Variants in SFRP1 observed in about 807,000 individuals in gnomAD.
SFRP1 encodes the protein secreted frizzled-related protein 1.
SFRP1 carries 9 observed loss-of-function variants against 25.9 expected under a neutral mutation model. That is an observed-to-expected ratio of 0.35 (90% CI 0.21 to 0.61). The LOEUF is 0.61. Among genes scored for constraint, SFRP1 ranks in the 20% least tolerant of loss-of-function variants. The pLI is 0.78. For missense variants in SFRP1, 346 were observed against 418.2 expected (o/e 0.83, Z 1.51); for synonymous variants, 178 against 174.0 (o/e 1.02, Z -0.18).
intron 2 of SFRP1, among the ~76,000 whole-genome samples, chr8:41,283,375 C>T (rs2117495932): frequency 6.6e-6 from 1 of 152,134 alleles, no homozygotes; most frequent in Middle Eastern, 3.4e-3. Context: ...GAGCTGGTGG[C>T]CAGATAGGAA....
chr8:41,284,814 AC>A (rs1803678273), intron 2 of SFRP1, among the ~76,000 whole-genome samples: 1 of 152,212 alleles, frequency 6.6e-6, no homozygotes, highest in Non-Finnish European at 1.5e-5. Flanking sequence ...TGGCAGGCTA[AC>A]ATGGCCTGCC....
At chr8:41,277,592 C>A (rs1803587026) in intron 2 of SFRP1, among the ~76,000 whole-genome samples, 1 of 152,172 alleles carries the variant, frequency 6.6e-6, no homozygotes, top group South Asian at 2.1e-4. Context: ...AGTCAGCAGC[C>A]ATGAGATGGG....
Position 41,266,344 on chromosome 8 carries a change from G to GA in SFRP1, c.623-856dup, listed in dbSNP as rs1803435525. 2.0e-5 allele frequency among the ~76,000 whole-genome samples: 3 copies of GA among 152,010 alleles called. 1 individual carries two copies. Among genetic ancestry groups the GA allele is most frequent in the Non-Finnish European group, 4.4e-5 (3 of 67,990 alleles). ...CCAGTTATCATGCACTGCTTTAAGA[G>GA]AAAAAAGGGTCCTATAACCCAATTT... On this transcript the variant is annotated intron_variant, in intron 2 of 2. Transcript: ENST00000220772.
Position 41,308,596 on chromosome 8 carries a change from G to A in SFRP1, c.544+20C>T. ...GGGATGGAGGGGGCGGCTCGCGCAC[G>A]TGGGAGGAGGCAGCCTTACCTTGGG... On this transcript the variant is annotated intron_variant, in intron 1 of 2. Transcript: ENST00000220772. 6.4e-7 allele frequency: 1 copy of A among 1,554,664 alleles called. No homozygotes were observed. Among genetic ancestry groups the A allele is most frequent in the Non-Finnish European group, 8.7e-7 (1 of 1,143,138 alleles).
Position 41,264,994 on chromosome 8 carries a change from A to T in SFRP1, c.*173T>A, listed in dbSNP as rs1803416202. 3.4e-6 allele frequency: 2 copies of T among 596,338 alleles called. No individual in the cohort carries two copies. The highest frequency in any genetic ancestry group is 5.9e-6 in the Non-Finnish European group (2 of 340,204). 36.9% of individuals were successfully genotyped at this position (596,338 alleles called of 1,614,324 possible). A position where few individuals can be genotyped will look rare whatever the true frequency, so the allele number is the denominator to read the frequency against. On this transcript the variant is annotated 3_prime_UTR_variant, in exon 3 of 3. Transcript: ENST00000220772. ...CGGCCATGGCTACCCTGGGGTTTGG[A>T]GCGTGGCTATGGAGGGAAGGGAGCG...
chr8:41,287,374 C>T (rs952238110), intron 2 of SFRP1, among the ~76,000 whole-genome samples: 4 of 152,248 alleles, frequency 2.6e-5, no homozygotes, highest in East Asian at 1.9e-4. Context: ...CCACCATGGC[C>T]GAAGCGATGC....
intron 2 of SFRP1, chr8:41,270,939 G>A (rs1803497761): frequency 6.6e-6 from 1 of 152,446 alleles, no homozygotes; most frequent in Non-Finnish European, 1.5e-5. Context: ...GCTGCTGCGT[G>A]AACACCAAAG....
intron 2 of SFRP1, among the ~76,000 whole-genome samples, chr8:41,277,441 G>C (rs535358260): frequency 1.3e-5 from 2 of 152,302 alleles, no homozygotes; most frequent in South Asian, 4.1e-4. Context: ...ATGGTCTCCT[G>C]GGAGGGAAAA....
rs1244057191 is a variant in SFRP1 at position 41,264,312 on chromosome 8, T to G, written c.*855A>C. 1.3e-5 allele frequency: 2 copies of G among 152,222 alleles called. No homozygotes were observed. Among genetic ancestry groups the G allele is most frequent in the East Asian group, 1.9e-4 (1 of 5,200 alleles). 9.4% of individuals were successfully genotyped at this position (152,222 alleles called of 1,614,324 possible). ...GCAATTTGCTGGACTGTTCTAAAAT[T>G]TTTTTCATTTGTTTCTTTTTTAACT... On this transcript the variant is annotated 3_prime_UTR_variant, in exon 3 of 3. Coordinates refer to ENST00000220772, the MANE Select transcript of SFRP1 (RefSeq NM_003012.5).
At chr8:41,301,406 G>C (rs1228747150) in intron 2 of SFRP1, among the ~76,000 whole-genome samples, 1 of 152,062 alleles carries the variant, frequency 6.6e-6, no homozygotes, top group Non-Finnish European at 1.5e-5. Context: ...TCTCTAAGGT[G>C]CTAAGAAGGG....
intron 2 of SFRP1, among the ~76,000 whole-genome samples, chr8:41,295,377 A>T (rs1350217703): frequency 6.6e-6 from 1 of 152,002 alleles, no homozygotes; most frequent in East Asian, 1.9e-4. Flanking sequence ...AAAGAAAAAA[A>T]AATTAGCCGA....
intron 2 of SFRP1, among the ~76,000 whole-genome samples, chr8:41,274,362 G>C (rs1803547315): frequency 6.6e-6 from 1 of 151,982 alleles, no homozygotes; most frequent in Non-Finnish European, 1.5e-5. Flanking sequence ...TAAGTAACTG[G>C]GTTAATAAAA....
At chr8:41,293,152 G>T (rs1345411543) in intron 2 of SFRP1, among the ~76,000 whole-genome samples, 1 of 152,206 alleles carries the variant, frequency 6.6e-6, no homozygotes, top group East Asian at 1.9e-4. Flanking sequence ...CACTCCCTGG[G>T]TGTCATATCT....
chr8:41,308,230 T>C (rs541662559), intron 1 of SFRP1, among the ~76,000 whole-genome samples: 19 of 152,372 alleles, frequency 1.2e-4, no homozygotes, highest in African/African-American at 3.8e-4. Flanking sequence ...AAAACTTCGA[T>C]AGGGACTCGG....
At chr8:41,267,478 C>T (rs1219287458) in intron 2 of SFRP1, among the ~76,000 whole-genome samples, 4 of 152,154 alleles carry the variant, frequency 2.6e-5, no homozygotes, top group African/African-American at 4.8e-5. Flanking sequence ...AGATAATTTG[C>T]GTATCTTCTG....
intron 2 of SFRP1, among the ~76,000 whole-genome samples, chr8:41,268,291 G>A (rs1436803452): frequency 6.6e-6 from 1 of 152,168 alleles, no homozygotes; most frequent in African/African-American, 2.4e-5. Context: ...AACAGCATGA[G>A]GCCACAGTTT....
rs968251642 is a variant in SFRP1 at position 41,264,203 on chromosome 8, T to C, written c.*964A>G. 2 of 152,274 alleles carry C rather than the reference T, an allele frequency of 1.3e-5. No homozygotes were observed. The highest frequency in any genetic ancestry group is 4.8e-5 in the African/African-American group (2 of 41,474). The allele number at this position is 152,274 out of a possible 1,614,324, so 9.4% of individuals were successfully genotyped here. On this transcript the variant is annotated 3_prime_UTR_variant, in exon 3 of 3. Coordinates refer to ENST00000220772, the MANE Select transcript of SFRP1 (RefSeq NM_003012.5). The stretch of plus-strand genomic sequence containing the variant: ...TTGAAAAATAAGTGGGTGTTTGTCA[T>C]TGTTCTTTTAAAAATGTGAAAAGGA...
chr8:41,290,573 A>G (rs547795272), intron 2 of SFRP1, among the ~76,000 whole-genome samples: 2 of 152,334 alleles, frequency 1.3e-5, no homozygotes, highest in East Asian at 3.9e-4. Flanking sequence ...CTGCACACGC[A>G]GAACACAGGT....
chr8:41,303,568 T>C (rs750033149), intron 1 of SFRP1, 30 bp from the exon 2 acceptor site: 4 of 1,579,712 alleles, frequency 2.5e-6, no homozygotes, highest in Middle Eastern at 3.3e-4. Flanking sequence ...GAAACGGAAC[T>C]GTAAGTTACA....
Sources: allele counts gnomAD v4.1 joint callset (sites outside exome capture counted in the v4.1 genomes callset), GRCh38; gene constraint gnomAD v4.1.1; transcripts MANE v1.5; gene names NCBI Gene and HGNC (gene_info 2026-07-23, HGNC 2026-07-21).